Variants in TRAT1 observed in about 807,000 individuals in gnomAD.
TRAT1 encodes T-cell receptor-associated transmembrane adapter 1.
TRAT1 carries 20 observed loss-of-function variants against 20.0 expected under a neutral mutation model. The observed-to-expected ratio is 1.00, with a 90% CI of 0.70 to 1.45. The LOEUF (loss-of-function observed/expected upper bound fraction) is 1.45. Among genes scored for constraint, TRAT1 ranks in the 40% most tolerant of loss-of-function variants. The probability of loss-of-function intolerance (pLI) is 0.00; values close to 1 mark genes in which losing one functional copy is unlikely to be tolerated. For missense variants in TRAT1, 237 were observed against 224.1 expected, an observed-to-expected ratio of 1.06 and a Z score of -0.37; for synonymous variants, 77 against 74.2, an observed-to-expected ratio of 1.04 and a Z score of -0.20.
intron 4 of TRAT1, among the ~76,000 whole-genome samples, chr3:108,848,236 T>C (rs976008489): frequency 3.9e-5 from 6 of 152,198 alleles, no homozygotes; most frequent in Non-Finnish European, 5.9e-5. Context: ...CTTAGAGATC[T>C]GCTACTTAAC....
intron 3 of TRAT1, among the ~76,000 whole-genome samples, chr3:108,844,052 A>G (rs1021100120): frequency 1.3e-5 from 2 of 152,224 alleles, no homozygotes; most frequent in Admixed American, 1.3e-4. Flanking sequence ...GAAGCAAATC[A>G]GGTTAGCAAT....
At position 108,823,011 on chromosome 3, in the gene TRAT1, C is replaced by A. The variant is rs778143491; in HGVS notation, c.7+77C>A. 1.3e-5 allele frequency: 16 copies of A among 1,234,628 alleles called. No individual in the cohort carries two copies. The Admixed American group carries it at 1.8e-4, about 14-fold the overall frequency. 76.5% of individuals were successfully genotyped at this position (1,234,628 alleles called of 1,614,324 possible). On this transcript the variant is annotated intron_variant, in intron 1 of 5. Coordinates refer to ENST00000295756, the MANE Select transcript of TRAT1 (RefSeq NM_016388.4). ...TAATTTCTAAGTCCTAACGAGAAGA[C>A]CCTTAGTATTTAGAAAGTAGTTATT...
In TRAT1 at chr3:108,836,041, T is replaced by A. The variant is rs770725696; in HGVS notation, c.119-2893T>A. On this transcript the variant is annotated intron_variant, in intron 2 of 5. Coordinates refer to ENST00000295756, the MANE Select transcript of TRAT1 (RefSeq NM_016388.4). ...TTCAAGCGATTCCCCTGCCTCAGCC[T>A]CCCGAGTAGCTGGGACTACAGGCGC... 7.0e-4 allele frequency among the ~76,000 whole-genome samples: 107 copies of A among 152,136 alleles called. 3 individuals are homozygous for A. Among genetic ancestry groups the A allele is most frequent in the Non-Finnish European group, 1.6e-4 (11 of 68,014 alleles).
chr3:108,844,769 G>A (rs1576523516), intron 3 of TRAT1, among the ~76,000 whole-genome samples: 2 of 148,804 alleles, frequency 1.3e-5, no homozygotes, highest in Non-Finnish European at 1.5e-5. Flanking sequence ...ACGTGAATCC[G>A]GGAGGCGGAG....
intron 2 of TRAT1, among the ~76,000 whole-genome samples, chr3:108,835,650 G>T (rs984351341): frequency 6.6e-6 from 1 of 152,148 alleles, no homozygotes; most frequent in Non-Finnish European, 1.5e-5. Flanking sequence ...ATGGAATGGG[G>T]TGCCCTTGAA....
At chr3:108,851,344 A>G (rs576383947) in intron 5 of TRAT1, among the ~76,000 whole-genome samples, 2 of 152,336 alleles carry the variant, frequency 1.3e-5, no homozygotes, top group Non-Finnish European at 2.9e-5. Flanking sequence ...AAGCCTAGTA[A>G]TAAAGTGAGT....
intron 1 of TRAT1, among the ~76,000 whole-genome samples, chr3:108,826,930 G>T (rs1236128455): frequency 6.6e-6 from 1 of 152,114 alleles, no homozygotes; most frequent in South Asian, 2.1e-4. Flanking sequence ...GCTTAGCTGG[G>T]TTTCCTTCCA....
At chr3:108,837,310 A>T (rs1027909616) in intron 2 of TRAT1, among the ~76,000 whole-genome samples, 1 of 152,222 alleles carries the variant, frequency 6.6e-6, no homozygotes, top group African/African-American at 2.4e-5. Flanking sequence ...TTTTGGTCCC[A>T]TAGCAGCTTA....
intron 3 of TRAT1, among the ~76,000 whole-genome samples, chr3:108,844,853 A>AG (rs1945927151): frequency 2.7e-5 from 4 of 149,818 alleles, no homozygotes; most frequent in Non-Finnish European, 3.0e-5. Flanking sequence ...CAAAAAAAAA[A>AG]AAAAAAAAAA....
intron 5 of TRAT1, among the ~76,000 whole-genome samples, chr3:108,850,540 G>A (rs1945989516): frequency 6.6e-6 from 1 of 152,128 alleles, no homozygotes; most frequent in South Asian, 2.1e-4. Context: ...CCCGACCGCA[G>A]TGATCCACCC....
Position 108,830,376 on chromosome 3 carries a change from G to GT in TRAT1, c.8-288dup, listed in dbSNP as rs564768081. ...GAATGTTGTTGATTTTTGAACAAAA[G>GT]TTTTTTATCAGTCACCACTTGTCAC... On this transcript the variant is annotated intron_variant, in intron 1 of 5. Transcript: ENST00000295756. Among the ~76,000 whole-genome samples the GT allele has an allele frequency of 1.7e-3, 260 of 152,254 alleles. 1 individual carries two copies. The highest frequency in any genetic ancestry group is 2.6e-3 in the Non-Finnish European group (176 of 67,994).
chr3:108,836,628 T>A (rs941124097), intron 2 of TRAT1, among the ~76,000 whole-genome samples: 1 of 152,226 alleles, frequency 6.6e-6, no homozygotes, highest in Non-Finnish European at 1.5e-5. Context: ...TGGCTTGTTA[T>A]ATAATATGTA....
intron 5 of TRAT1, among the ~76,000 whole-genome samples, chr3:108,853,219 G>A (rs1946012871): frequency 6.6e-6 from 1 of 152,144 alleles, no homozygotes; most frequent in Non-Finnish European, 1.5e-5. Context: ...GTAGACCCTT[G>A]TGATTTGGTA....
At chr3:108,828,617 T>C (rs1348802750) in intron 1 of TRAT1, among the ~76,000 whole-genome samples, 1 of 152,206 alleles carries the variant, frequency 6.6e-6, no homozygotes, top group East Asian at 1.9e-4. Flanking sequence ...TTCCAGTTCA[T>C]AGTATCCTTG....
At chr3:108,827,327 A>G (rs1414612762) in intron 1 of TRAT1, among the ~76,000 whole-genome samples, 1 of 151,970 alleles carries the variant, frequency 6.6e-6, no homozygotes, top group Non-Finnish European at 1.5e-5. Flanking sequence ...GAATATGGAG[A>G]TATTTATACT....
At chr3:108,838,066 T>C (rs1367837381) in intron 2 of TRAT1, among the ~76,000 whole-genome samples, 1 of 152,232 alleles carries the variant, frequency 6.6e-6, no homozygotes, top group African/African-American at 2.4e-5. Context: ...TCTGTGGTTT[T>C]GTTGTCCTAC....
intron 2 of TRAT1, among the ~76,000 whole-genome samples, chr3:108,838,095 C>T (rs959500321): frequency 5.3e-5 from 8 of 152,144 alleles, no homozygotes; most frequent in African/African-American, 1.9e-4. Context: ...TCTGGTAAGT[C>T]TTGTCCTGGC....
chr3:108,830,016 C>T (rs746921822), intron 1 of TRAT1, among the ~76,000 whole-genome samples: 10 of 152,056 alleles, frequency 6.6e-5, no homozygotes, highest in Non-Finnish European at 1.3e-4. Flanking sequence ...TGTGTCATTG[C>T]CCTTGAAGAC....
rs565945822 is a variant in TRAT1 at position 108,848,859 on chromosome 3, A to G, written c.215-307A>G. ...CAATCCCTTAACTTGTGAGATCTCT[A>G]TAACATCCAAATGGTAGCTTAAGAC... On this transcript the variant is annotated intron_variant, in intron 4 of 5. Coordinates refer to ENST00000295756, the MANE Select transcript of TRAT1 (RefSeq NM_016388.4). Among the ~76,000 whole-genome samples, 15 of 152,342 alleles carry G rather than the reference A, an allele frequency of 9.8e-5. No homozygotes were observed. In the South Asian group the frequency reaches 3.1e-3, roughly 32 times the overall value.
Sources: gnomAD v4.1 joint callset for allele counts (sites outside exome capture counted in the v4.1 genomes callset) on GRCh38, gnomAD v4.1.1 for gene constraint, MANE v1.5 for transcripts, NCBI Gene and HGNC (gene_info 2026-07-23, HGNC 2026-07-21) for gene names.